INTS6: variants seen among roughly 807,000 people sequenced by gnomAD.
The protein encoded by INTS6 is DEAD box protein.
In INTS6, 16 loss-of-function variants were observed where a neutral mutation model predicts 104.9. The ratio of observed to expected loss-of-function variants is 0.15; its 90% CI spans 0.10 to 0.23. The LOEUF is 0.23. INTS6 is among the 10% of genes least tolerant of loss of function. The pLI, the probability that INTS6 is intolerant of heterozygous loss-of-function variation, is 1.00. For synonymous variants in INTS6, 324 were observed against 358.7 expected (o/e 0.90, Z 1.09); for missense variants, 584 against 1,062.8 (o/e 0.55, Z 6.26).
At chr13:51,409,329 G>A (rs1341821609) in intron 4 of INTS6, among the ~76,000 whole-genome samples, 2 of 147,676 alleles carry the variant, frequency 1.4e-5, no homozygotes, top group Non-Finnish European at 3.0e-5. Context: ...TAACTTCAAG[G>A]TATACTAAAG....
intron 3 of INTS6, chr13:51,441,054 A>G (rs1952788748): frequency 6.6e-6 from 1 of 152,232 alleles, no homozygotes; most frequent in South Asian, 2.1e-4. Flanking sequence ...TGATTAACAA[A>G]TATTACTTCT....
chr13:51,344,357 C>T, the INTS6 span: 100 of 1,613,648 alleles, frequency 6.2e-5, no homozygotes, highest in African/African-American at 1.9e-4. Flanking sequence ...CAAGTGGGAA[C>T]GCCACTGTCC....
At chr13:51,354,824 G>A (rs1955454881) in intron 3 of INTS6, among the ~76,000 whole-genome samples, 2 of 152,144 alleles carry the variant, frequency 1.3e-5, no homozygotes, top group South Asian at 2.1e-4. Flanking sequence ...TCAATGGGAA[G>A]ACTTAGAATG....
chr13:51,452,773 G>A lies in INTS6; in HGVS notation c.-248C>T, dbSNP rs1372994054. On this transcript the variant is annotated 5_prime_UTR_variant, in exon 1 of 18. Transcript: ENST00000311234. The surrounding 1 kb of genome is among the most constrained non-coding windows in gnomAD (Gnocchi z 4.2). ...CTCCTCCTGCCTGCCTGCCCGCTGG[G>A]GCGGGCGCCCAGCCGTCTGTCTGTC... 2.5e-6 allele frequency: 3 copies of A among 1,216,484 alleles called. No individual in the cohort carries two copies. The highest frequency in any genetic ancestry group is 3.3e-5 in the African/African-American group (2 of 61,420). The allele number at this position is 1,216,484 out of a possible 1,614,324, so 75.4% of individuals were successfully genotyped here.
the INTS6 span, chr13:51,344,572 G>A: frequency 9.6e-7 from 1 of 1,044,994 alleles, no homozygotes; most frequent in Non-Finnish European, 1.4e-6. Context: ...AGGCCATGGT[G>A]CTCAGGCCAC....
In INTS6 at chr13:51,393,104, GTCTC is replaced by G. The variant is rs1251916402; in HGVS notation, c.613+2192_613+2195del. Among the ~76,000 whole-genome samples the G allele has an allele frequency of 2.8e-5, 4 of 142,334 alleles. No individual in the cohort carries two copies. In the South Asian group the frequency reaches 8.8e-4, roughly 31 times the overall value. The allele number at this position is 142,334 out of a possible 152,430, so 93.4% of individuals were successfully genotyped here. The stretch of plus-strand genomic sequence containing the variant: ...TTTTTTTTTTTTTTTGTGAGACAGA[GTCTC>G]TCTCTGTCAGCCAGGCTGGAGTGCA... On this transcript the variant is annotated intron_variant, in intron 5 of 17. Transcript: ENST00000311234.
At position 51,452,768 on chromosome 13, in the gene INTS6, G is replaced by A. The variant is rs1953093048; in HGVS notation, c.-243C>T. 1 of 1,217,682 alleles carries A rather than the reference G, an allele frequency of 8.2e-7. No individual in the cohort carries two copies. Among genetic ancestry groups the A allele is most frequent in the Non-Finnish European group, 1.0e-6 (1 of 972,282 alleles). The allele number at this position is 1,217,682 out of a possible 1,614,324, so 75.4% of individuals were successfully genotyped here. Reference sequence around the variant, plus strand: ...TCCGCCTCCTCCTGCCTGCCTGCCCGCTGGGGCGGGCGCCCAGCCGTCTGT... The same window carrying A: ...TCCGCCTCCTCCTGCCTGCCTGCCCACTGGGGCGGGCGCCCAGCCGTCTGT... On this transcript the variant is annotated 5_prime_UTR_variant, in exon 1 of 18. Transcript: ENST00000311234. The surrounding 1 kb of genome is among the most constrained non-coding windows in gnomAD (Gnocchi z 4.2).
chr13:51,338,672 T>C, the INTS6 span, among the ~76,000 whole-genome samples: 6 of 152,234 alleles, frequency 3.9e-5, no homozygotes, highest in East Asian at 5.8e-4. Context: ...CACAATTGCA[T>C]TGAATCTAAA....
intron 4 of INTS6, among the ~76,000 whole-genome samples, chr13:51,417,321 A>C (rs1220248096): frequency 6.6e-6 from 1 of 152,152 alleles, no homozygotes; most frequent in Non-Finnish European, 1.5e-5. Flanking sequence ...TTTTCTTCTA[A>C]GTTTTAGCTC....
chr13:51,370,379 C>T (rs1485547558), intron 15 of INTS6, among the ~76,000 whole-genome samples: 1 of 152,224 alleles, frequency 6.6e-6, no homozygotes, highest in Non-Finnish European at 1.5e-5. Flanking sequence ...CACGCTGTCT[C>T]TCCTTATCAC....
chr13:51,428,483 C>T (rs1476000285), intron 4 of INTS6, among the ~76,000 whole-genome samples: 2 of 151,824 alleles, frequency 1.3e-5, no homozygotes, highest in Non-Finnish European at 2.9e-5. Flanking sequence ...CGCCACCACG[C>T]CCAGCTAATT....
chr13:51,441,318 T>C (rs1424130500), intron 3 of INTS6: 2 of 152,198 alleles, frequency 1.3e-5, no homozygotes, highest in Admixed American at 1.3e-4. Context: ...ATAAAAATGA[T>C]TAATAGGTTG....
At chr13:51,400,090 T>C (rs942343811) in intron 4 of INTS6, among the ~76,000 whole-genome samples, 5 of 152,330 alleles carry the variant, frequency 3.3e-5, no homozygotes, top group African/African-American at 1.2e-4. Flanking sequence ...GAACTGCACA[T>C]GCAAGGAATC....
chr13:51,374,882 G>A, intron 13 of INTS6, 86 bp from the exon 14 acceptor site: 5 of 1,361,964 alleles, frequency 3.7e-6, no homozygotes, highest in Non-Finnish European at 5.1e-6. Flanking sequence ...GCTACCTAGT[G>A]TTATTCTAGA....
chr13:51,352,440 C>A (rs148944856), downstream of INTS6, among the ~76,000 whole-genome samples: 1,288 of 151,244 alleles, frequency 8.5e-3, 16 homozygotes, highest in South Asian at 0.046. Context: ...GTATGCTGTA[C>A]CTTACTGAAC....
the INTS6 span, among the ~76,000 whole-genome samples, chr13:51,337,496 G>A: frequency 6.6e-6 from 1 of 152,170 alleles, no homozygotes. Context: ...GCCATCGAAA[G>A]GCTTAGAATC....
intron 4 of INTS6, among the ~76,000 whole-genome samples, chr13:51,409,664 ATTGGTG>A (rs59167001): frequency 0.029 from 4,386 of 152,082 alleles, 219 homozygotes; most frequent in African/African-American, 0.1. Flanking sequence ...TTAAGGAACA[ATTGGTG>A]TTCCTTAAAA....
chr13:51,347,161 C>G, the INTS6 span: 2 of 1,613,996 alleles, frequency 1.2e-6, no homozygotes, highest in South Asian at 2.2e-5. Context: ...ACACACAGAT[C>G]CTGCCTTTCA....
chr13:51,383,095 C>CA, intron 9 of INTS6, among the ~76,000 whole-genome samples: 1 of 150,580 alleles, frequency 6.6e-6, no homozygotes, highest in East Asian at 1.9e-4. Flanking sequence ...CTCCCCCACC[C>CA]CCCCGCAAAA....
Sources: allele counts gnomAD v4.1 joint callset (sites outside exome capture counted in the v4.1 genomes callset), GRCh38; gene constraint gnomAD v4.1.1; non-coding constraint Gnocchi (gnomAD v3.1); transcripts MANE v1.5; gene names NCBI Gene and HGNC (gene_info 2026-07-23, HGNC 2026-07-21).